TTYH1: variants seen among roughly 807,000 people sequenced by gnomAD.
TTYH1 encodes the protein protein tweety homolog 1.
TTYH1 carries 33 observed loss-of-function variants against 61.2 expected under a neutral mutation model. The observed-to-expected ratio is 0.54, with a 90% CI of 0.41 to 0.72. The LOEUF (loss-of-function observed/expected upper bound fraction) is 0.72, where lower values mean the gene tolerates loss of function less well. Ranked by LOEUF, TTYH1 falls within the 30% of genes least tolerant of loss-of-function variation. TTYH1 has a pLI of 0.00. For synonymous variants in TTYH1, 308 were observed against 266.4 expected (o/e 1.16, Z -1.52); for missense variants, 538 against 575.8 (o/e 0.93, Z 0.67).
At position 54,436,071 on chromosome 19, in the gene TTYH1, T is replaced by C; in HGVS notation, c.1315-20T>C. The C allele has an allele frequency of 1.2e-6, 2 of 1,613,328 alleles. No homozygotes were observed. Among genetic ancestry groups the C allele is most frequent in the South Asian group, 2.2e-5 (2 of 91,060 alleles). On this transcript the variant is annotated intron_variant, in intron 12 of 13. Coordinates refer to ENST00000376530, the MANE Select transcript of TTYH1 (RefSeq NM_020659.4). The surrounding 1 kb of genome is among the most constrained non-coding windows in gnomAD (Gnocchi z 4.3). ...CACTCCATTCCCTCCTCTCCCCCGC[T>C]ACCCCGAATCTCCTAGCAGGAATCC...
chr19:54,431,089 C>T lies in TTYH1; in HGVS notation c.1033-10C>T. 1 of 1,607,106 alleles carries T rather than the reference C, an allele frequency of 6.2e-7. No individual in the cohort carries two copies. Among genetic ancestry groups the T allele is most frequent in the South Asian group, 1.1e-5 (1 of 90,902 alleles). On this transcript the variant is annotated splice_polypyrimidine_tract_variant and intron_variant, in intron 9 of 13. Transcript: ENST00000376530. ...AGTTCGTGGGAAAACGACCCCTCCT[C>T]GCCCCGCAGAAGCCTCTGCTGTCCT...
intron 1 of TTYH1, chr19:54,417,043 C>T (rs1468904113): frequency 3.5e-6 from 3 of 865,912 alleles, no homozygotes; most frequent in Non-Finnish European, 4.6e-6. Context: ...TGCAGGGACG[C>T]GACCACCGTG....
At chr19:54,417,041 C>G in intron 1 of TTYH1, 1 of 892,322 alleles carries the variant, frequency 1.1e-6, no homozygotes. Flanking sequence ...CCTGCAGGGA[C>G]GCGACCACCG....
rs918494381 is a variant in TTYH1, at chr19:54,421,070, G to A, written c.306-207G>A. Reference sequence around the variant, plus strand: ...ATTAACATCACAATGACGTCCCTCCGCTGGGGGAGTGAGGCCTTCCCGTTC... The same window carrying A: ...ATTAACATCACAATGACGTCCCTCCACTGGGGGAGTGAGGCCTTCCCGTTC... On this transcript the variant is annotated intron_variant, in intron 2 of 13. Coordinates refer to ENST00000376530, the MANE Select transcript of TTYH1 (RefSeq NM_020659.4). This position sits in a 1 kb window ranked among gnomAD's most constrained non-coding sequence, Gnocchi z 4.8. Among the ~76,000 whole-genome samples the A allele has an allele frequency of 3.3e-5, 5 of 152,086 alleles. No homozygotes were observed. The highest frequency in any genetic ancestry group is 1.9e-4 in the East Asian group (1 of 5,162).
At chr19:54,422,461 C>G in intron 4 of TTYH1, 51 bp downstream of exon 4, 4 of 1,438,680 alleles carry the variant, frequency 2.8e-6, no homozygotes, top group Non-Finnish European at 3.7e-6. Context: ...CAGGCGGAGT[C>G]CCCGGGGGGA....
chr19:54,415,549 G>A lies in TTYH1; in HGVS notation c.-4G>A, dbSNP rs775236470. The A allele has an allele frequency of 5.7e-4, 839 of 1,469,398 alleles. No individual in the cohort carries two copies. Among genetic ancestry groups the A allele is most frequent in the Non-Finnish European group, 7.1e-4 (788 of 1,115,144 alleles). The allele number at this position is 1,469,398 out of a possible 1,614,324, so 91.0% of individuals were successfully genotyped here. Reference sequence around the variant, plus strand: ...CCGCCCCGCTGCCCCCTCCCCCGGGGGCCATGGGGGCGCCCCCGGGCTACC... The same window carrying A: ...CCGCCCCGCTGCCCCCTCCCCCGGGAGCCATGGGGGCGCCCCCGGGCTACC... On this transcript the variant is annotated 5_prime_UTR_variant, in exon 1 of 14. Transcript: ENST00000376530. This position sits in a 1 kb window ranked among gnomAD's most constrained non-coding sequence, Gnocchi z 5.2.
rs773535914 is a variant in TTYH1, at chr19:54,421,560, G to A, written c.417+172G>A. On this transcript the variant is annotated intron_variant, in intron 3 of 13. Coordinates refer to ENST00000376530, the MANE Select transcript of TTYH1 (RefSeq NM_020659.4). The surrounding 1 kb of genome is among the most constrained non-coding windows in gnomAD (Gnocchi z 4.8). Reference sequence around the variant, plus strand: ...ACCTCAGACTATCCACCCAACCCCCGACCCTGGCTGCAAATTGAGGACCTC... The same window carrying A: ...ACCTCAGACTATCCACCCAACCCCCAACCCTGGCTGCAAATTGAGGACCTC... Among the ~76,000 whole-genome samples the A allele has an allele frequency of 2.0e-5, 3 of 149,646 alleles. No homozygotes were observed. The highest frequency in any genetic ancestry group is 1.3e-4 in the Admixed American group (2 of 14,998).
In TTYH1 at chr19:54,426,799, T is replaced by C. The variant is rs556635886; in HGVS notation, c.734+31T>C. 4.4e-6 allele frequency: 7 copies of C among 1,583,684 alleles called. No homozygotes were observed. The African/African-American group carries it at 9.4e-5, about 21-fold the overall frequency. On this transcript the variant is annotated intron_variant, in intron 5 of 13. Coordinates refer to ENST00000376530, the MANE Select transcript of TTYH1 (RefSeq NM_020659.4). Reference sequence around the variant, plus strand: ...TGCAGGCAGTAGGGGGACCCAGTGCTTGCCTGGCACTCTCCTGGCAGGCAG... The same window carrying C: ...TGCAGGCAGTAGGGGGACCCAGTGCCTGCCTGGCACTCTCCTGGCAGGCAG...
chr19:54,429,948 C>G lies in TTYH1; in HGVS notation c.874C>G (p.Leu292Val). 6.2e-7 allele frequency: 1 copy of G among 1,613,924 alleles called. No homozygotes were observed. Among genetic ancestry groups the G allele is most frequent in the Non-Finnish European group, 8.5e-7 (1 of 1,179,850 alleles). The stretch of plus-strand genomic sequence containing the variant: ...GAACCTGACCCAGGAGGAGACAGGG[C>G]TCAGCTCAGGTGATTTCCAAGGGCC... ...VLNLTQEETG[L>V]SSDILSYYLL... The change falls in exon 7 of 14, where the codon CTC (leucine) becomes GTC (valine). Residue 292 changes from leucine (L) to valine (V), a missense_variant. Transcript: ENST00000376530. The surrounding 1 kb of genome is among the most constrained non-coding windows in gnomAD (Gnocchi z 5.1).
At chr19:54,425,592 T>C (rs2083306625) in intron 4 of TTYH1, among the ~76,000 whole-genome samples, 1 of 152,224 alleles carries the variant, frequency 6.6e-6, no homozygotes, top group Non-Finnish European at 1.5e-5. Flanking sequence ...CCTTCCCAGC[T>C]AGGCTTAGGG....
chr19:54,436,037 G>A lies in TTYH1; in HGVS notation c.1315-54G>A, dbSNP rs1347153748. The A allele has an allele frequency of 1.8e-5, 29 of 1,600,566 alleles. 1 individual carries two copies. In the East Asian group the frequency reaches 5.6e-4, roughly 31 times the overall value. On this transcript the variant is annotated intron_variant, in intron 12 of 13. Transcript: ENST00000376530. This position sits in a 1 kb window ranked among gnomAD's most constrained non-coding sequence, Gnocchi z 4.3. ...AGGGGCTGGGGTCCCACAGTACAAA[G>A]CCAATTCCCACTCCATTCCCTCCTC...
intron 1 of TTYH1, among the ~76,000 whole-genome samples, chr19:54,418,885 T>C (rs1293669588): frequency 6.6e-6 from 1 of 152,260 alleles, no homozygotes; most frequent in Admixed American, 6.5e-5. Context: ...CAGAGCAGAA[T>C]TGGGACCCAA....
intron 4 of TTYH1, among the ~76,000 whole-genome samples, chr19:54,423,506 C>T (rs1381689795): frequency 1.3e-5 from 2 of 152,168 alleles, no homozygotes; most frequent in Non-Finnish European, 2.9e-5. Context: ...AAAGAGGCAG[C>T]GTACCTACAG....
At position 54,419,069 on chromosome 19, in the gene TTYH1, G is replaced by C; in HGVS notation, c.127-59G>C. On this transcript the variant is annotated intron_variant, in intron 1 of 13. Transcript: ENST00000376530. The surrounding 1 kb of genome is among the most constrained non-coding windows in gnomAD (Gnocchi z 6.1). Reference sequence around the variant, plus strand: ...CGACCCCCCAGCCACGCAGGAAGGGGGATCTGAGTGTGGAACACACGGGTG... The same window carrying C: ...CGACCCCCCAGCCACGCAGGAAGGGCGATCTGAGTGTGGAACACACGGGTG... 1 of 1,529,526 alleles carries C rather than the reference G, an allele frequency of 6.5e-7. No homozygotes were observed. The highest frequency in any genetic ancestry group is 2.3e-5 in the East Asian group (1 of 43,596). The allele number at this position is 1,529,526 out of a possible 1,614,324, so 94.7% of individuals were successfully genotyped here.
chr19:54,415,811 T>G lies in TTYH1; in HGVS notation c.126+133T>G, dbSNP rs1449174624. On this transcript the variant is annotated intron_variant, in intron 1 of 13. Coordinates refer to ENST00000376530, the MANE Select transcript of TTYH1 (RefSeq NM_020659.4). This position sits in a 1 kb window ranked among gnomAD's most constrained non-coding sequence, Gnocchi z 5.2. ...GGGGGCCGGCCCGGACTTTGGGGTT[T>G]CGGAGGGAGGAGGAGCCTGGGGGCG... The G allele has an allele frequency of 9.0e-7, 1 of 1,113,212 alleles. No individual in the cohort carries two copies. Among genetic ancestry groups the G allele is most frequent in the Non-Finnish European group, 1.2e-6 (1 of 816,592 alleles). 69.0% of individuals were successfully genotyped at this position (1,113,212 alleles called of 1,614,324 possible).
Position 54,436,726 on chromosome 19 carries a change from T to A in TTYH1, c.*436T>A, listed in dbSNP as rs1848338831. The A allele has an allele frequency of 3.0e-6, 1 of 336,230 alleles. No homozygotes were observed. The highest frequency in any genetic ancestry group is 5.6e-6 in the Non-Finnish European group (1 of 179,028). 20.8% of individuals were successfully genotyped at this position (336,230 alleles called of 1,614,324 possible). A position where few individuals can be genotyped will look rare whatever the true frequency, so the allele number is the denominator to read the frequency against. On this transcript the variant is annotated 3_prime_UTR_variant, in exon 14 of 14. Coordinates refer to ENST00000376530, the MANE Select transcript of TTYH1 (RefSeq NM_020659.4). The surrounding 1 kb of genome is among the most constrained non-coding windows in gnomAD (Gnocchi z 4.3). ...GAAGACTATTTTACAAGCAGCTGGG[T>A]CCTCCTTATTTCTCCTCTCCCTTGA... is the stretch of plus-strand genomic sequence containing the variant.
rs769142757 is a variant in TTYH1 at position 54,421,432 on chromosome 19, C to A, written c.417+44C>A. 1.5e-6 allele frequency: 2 copies of A among 1,334,636 alleles called. No homozygotes were observed. The highest frequency in any genetic ancestry group is 2.9e-5 in the African/African-American group (2 of 69,616). 82.7% of individuals were successfully genotyped at this position (1,334,636 alleles called of 1,614,324 possible). Reference sequence around the variant, plus strand: ...GTGGGACCCCAGACCCACACCTGGACGGGCTCCCCACACCCAAGGACAAAG... The same window carrying A: ...GTGGGACCCCAGACCCACACCTGGAAGGGCTCCCCACACCCAAGGACAAAG... On this transcript the variant is annotated intron_variant, in intron 3 of 13. Transcript: ENST00000376530. This position sits in a 1 kb window ranked among gnomAD's most constrained non-coding sequence, Gnocchi z 4.8.
chr19:54,421,331 C>A lies in TTYH1; in HGVS notation c.360C>A (p.Ser120=). Residue 120 remains serine (S), a synonymous_variant, in exon 3 of 14, where the codon TCC becomes TCA. Transcript: ENST00000376530. The surrounding 1 kb of genome is among the most constrained non-coding windows in gnomAD (Gnocchi z 4.8). The stretch of plus-strand genomic sequence containing the variant: ...ACAGTGAGACCAGTGATGGGGTGTC[C>A]CAGCTCAGCTCTGCGCTGCTGCACG... The part of the protein sequence containing the change: ...YGNSETSDGV[S]QLSSALLHAN... 1 of 1,613,856 alleles carries A rather than the reference C, an allele frequency of 6.2e-7. No individual in the cohort carries two copies. The highest frequency in any genetic ancestry group is 8.5e-7 in the Non-Finnish European group (1 of 1,179,850).
chr19:54,430,874 G>C lies in TTYH1; in HGVS notation c.1001G>C (p.Arg334Pro), dbSNP rs1246678565. The change falls in exon 9 of 14, where the codon CGA (arginine) becomes CCA (proline). Residue 334 changes from arginine to proline, a missense_variant. Physicochemically the swap from Arg to Pro is moderately radical, Grantham distance 103. Transcript: ENST00000376530. ...NIHSQLLGLE[R>P]EAVPQFPSAQ... ...CACTCCCAGCTGCTGGGCCTGGAGC[G>C]AGAAGCTGTGCCTCAGTTCCCTTCA... is the stretch of plus-strand genomic sequence containing the variant. The C allele has an allele frequency of 1.9e-6, 3 of 1,613,552 alleles. No homozygotes were observed. Among genetic ancestry groups the C allele is most frequent in the Non-Finnish European group, 2.5e-6 (3 of 1,180,000 alleles).
Sources: allele counts gnomAD v4.1 joint callset (sites outside exome capture counted in the v4.1 genomes callset), GRCh38; gene constraint gnomAD v4.1.1; non-coding constraint Gnocchi (gnomAD v3.1); transcripts MANE v1.5; gene names NCBI Gene and HGNC (gene_info 2026-07-23, HGNC 2026-07-21).